The following RADIL variants were observed in gnomAD, a reference collection of about 807,000 sequenced individuals.
The protein encoded by RADIL is ras-associating and dilute domain-containing protein.
Under a neutral mutation model 97.6 loss-of-function variants are expected in RADIL, and 99 were observed. The ratio of observed to expected loss-of-function variants is 1.01; its 90% CI spans 0.86 to 1.20. The LOEUF is 1.20. Ranked by LOEUF, RADIL falls within the 50% of genes most tolerant of loss-of-function variation. The pLI is 0.00. For synonymous variants in RADIL, 803 were observed against 691.8 expected (o/e 1.16, Z -2.52); for missense variants, 1,765 against 1,498.9 (o/e 1.18, Z -2.93).
chr7:4,849,955 T>A lies in RADIL; in HGVS notation c.536-13350A>T, dbSNP rs1040383063. Among the ~76,000 whole-genome samples, 6 of 111,492 alleles carry A rather than the reference T, an allele frequency of 5.4e-5. No individual in the cohort carries two copies. The highest frequency in any genetic ancestry group is 4.9e-4 in the Admixed American group (6 of 12,328). 73.1% of individuals were successfully genotyped at this position (111,492 alleles called of 152,430 possible). A position where few individuals can be genotyped will look rare whatever the true frequency, so the allele number is the denominator to read the frequency against. ...GGTGATCTTACTACTGATAACATCT[T>A]TTCTTGGTGAAATATAGTATATGTA... On this transcript the variant is annotated intron_variant, in intron 2 of 14. Transcript: ENST00000399583. This position sits in a 1 kb window ranked among gnomAD's most constrained non-coding sequence, Gnocchi z 5.4.
chr7:4,873,897 G>A lies in RADIL; in HGVS notation c.535+3708C>T, dbSNP rs2115048503. The stretch of plus-strand genomic sequence containing the variant: ...AACCTGAGGCAGGCTGGCGCCCACG[G>A]CTGCTGGAGAAGCTGCTACAGTGAA... On this transcript the variant is annotated intron_variant, in intron 2 of 14. Transcript: ENST00000399583. The surrounding 1 kb of genome is among the most constrained non-coding windows in gnomAD (Gnocchi z 4.3). 6.6e-6 allele frequency among the ~76,000 whole-genome samples: 1 copy of A among 152,350 alleles called. No homozygotes were observed. The highest frequency in any genetic ancestry group is 6.5e-5 in the Admixed American group (1 of 15,306).
chr7:4,852,309 G>C (rs1448374352), intron 2 of RADIL, among the ~76,000 whole-genome samples: 1 of 152,160 alleles, frequency 6.6e-6, no homozygotes, highest in African/African-American at 2.4e-5. Context: ...GGCACCAAGA[G>C]GACAGAGGGC....
intron 2 of RADIL, among the ~76,000 whole-genome samples, chr7:4,857,379 G>A (rs980464098): frequency 6.6e-6 from 1 of 152,072 alleles, no homozygotes; most frequent in Non-Finnish European, 1.5e-5. Context: ...GTTTTCCCGT[G>A]GAATCTGACC....
chr7:4,855,900 A>T (rs1783817208), intron 2 of RADIL, among the ~76,000 whole-genome samples: 1 of 151,758 alleles, frequency 6.6e-6, no homozygotes, highest in Admixed American at 6.6e-5. Flanking sequence ...GGTTCAAGTG[A>T]TTCTCATGCC....
rs948969679 is a variant in RADIL at position 4,817,624 on chromosome 7, C to A, written c.1616-273G>T. Among the ~76,000 whole-genome samples the A allele has an allele frequency of 6.6e-6, 1 of 152,134 alleles. No individual in the cohort carries two copies. The highest frequency in any genetic ancestry group is 1.5e-5 in the Non-Finnish European group (1 of 68,014). On this transcript the variant is annotated intron_variant, in intron 6 of 14. Transcript: ENST00000399583. The surrounding 1 kb of genome is among the most constrained non-coding windows in gnomAD (Gnocchi z 8.3). ...AATGCCCAGCCCAGCCCAGCCCAAG[C>A]GCTCATTCACTCCCACGTTCTGGAT...
At chr7:4,852,641 G>A (rs1375315433) in intron 2 of RADIL, among the ~76,000 whole-genome samples, 1 of 152,116 alleles carries the variant, frequency 6.6e-6, no homozygotes, top group Non-Finnish European at 1.5e-5. Context: ...AGAGATGGGG[G>A]TCTTGCTATG....
At position 4,879,656 on chromosome 7, in the gene RADIL, C is replaced by A. The variant is rs535023245; in HGVS notation, c.-64-1453G>T. The stretch of plus-strand genomic sequence containing the variant: ...CTTGACTCACTCGTCACGCTGCGGG[C>A]GCTGCAAAAGGCTTCTGGAAAGGAC... On this transcript the variant is annotated intron_variant, in intron 1 of 14. Transcript: ENST00000399583. This position sits in a 1 kb window ranked among gnomAD's most constrained non-coding sequence, Gnocchi z 4.1. Among the ~76,000 whole-genome samples the A allele has an allele frequency of 6.6e-6, 1 of 152,132 alleles. No individual in the cohort carries two copies. The highest frequency in any genetic ancestry group is 2.4e-5 in the African/African-American group (1 of 41,426).
chr7:4,799,439 A>G lies in RADIL; in HGVS notation c.3167T>C (p.Leu1056Pro). 5 of 1,613,852 alleles carry G rather than the reference A, an allele frequency of 3.1e-6. No individual in the cohort carries two copies. Among genetic ancestry groups the G allele is most frequent in the Non-Finnish European group, 4.2e-6 (5 of 1,179,994 alleles). Residue 1056 changes from leucine to proline, a missense_variant, in exon 15 of 15, where the codon CTG becomes CCG. Coordinates refer to ENST00000399583, the MANE Select transcript of RADIL (RefSeq NM_018059.5). Reference sequence around the variant, plus strand: ...TGTTTCCACGTCGGACTTCGCGACCAGGAACCGCATCTTCTTCCCGCCATG... The same window carrying G: ...TGTTTCCACGTCGGACTTCGCGACCGGGAACCGCATCTTCTTCCCGCCATG... ...IRHGGKKMRF[L>P]VAKSDVETAK...
Position 4,834,853 on chromosome 7 carries a change from TC to T in RADIL, c.1169del (p.Gly390GlufsTer33), listed in dbSNP as rs1479966997. The T allele has an allele frequency of 1.5e-6, 2 of 1,316,046 alleles. No individual in the cohort carries two copies. Among genetic ancestry groups the T allele is most frequent in the Non-Finnish European group, 9.7e-7 (1 of 1,032,010 alleles). 81.5% of individuals were successfully genotyped at this position (1,316,046 alleles called of 1,614,324 possible). A position where few individuals can be genotyped will look rare whatever the true frequency, so the allele number is the denominator to read the frequency against. On this transcript the variant is annotated frameshift_variant, in exon 4 of 15. Coordinates refer to ENST00000399583, the MANE Select transcript of RADIL (RefSeq NM_018059.5). LOFTEE classifies it high-confidence loss of function. This position sits in a 1 kb window ranked among gnomAD's most constrained non-coding sequence, Gnocchi z 6.0. The part of the protein sequence containing the change: ...RLCGAALGAR[G>X]AASPTQAALP... ...GGGCGGCCTGAGTAGGGGAGGCGGC[TC>T]CCCGGGCCCCGAGCGCGGCCCCGCA...
At chr7:4,810,954 T>C (rs1782526782) in intron 9 of RADIL, among the ~76,000 whole-genome samples, 1 of 152,142 alleles carries the variant, frequency 6.6e-6, no homozygotes, top group African/African-American at 2.4e-5. Flanking sequence ...CTGGTCAACA[T>C]GGTGAGACTC....
Position 4,855,620 on chromosome 7 carries a change from TAAAA to T in RADIL, c.536-19019_536-19016del, listed in dbSNP as rs760588803. 4.0e-3 allele frequency among the ~76,000 whole-genome samples: 351 copies of T among 88,158 alleles called. 5 individuals carry two copies. The highest frequency in any genetic ancestry group is 0.012 in the African/African-American group (334 of 27,374). The allele number at this position is 88,158 out of a possible 152,430, so 57.8% of individuals were successfully genotyped here. A position where few individuals can be genotyped will look rare whatever the true frequency, so the allele number is the denominator to read the frequency against. On this transcript the variant is annotated intron_variant, in intron 2 of 14. Coordinates refer to ENST00000399583, the MANE Select transcript of RADIL (RefSeq NM_018059.5). ...ACACTGTTAGACTTTTTTATTTTTG[TAAAA>T]AAAAAAAAAAAAAAAAAAAAAAAGA...
At chr7:4,852,294 A>G (rs937925562) in intron 2 of RADIL, among the ~76,000 whole-genome samples, 2 of 152,198 alleles carry the variant, frequency 1.3e-5, no homozygotes, top group African/African-American at 4.8e-5. Context: ...AAGATCCCAG[A>G]GGGTGGCACC....
In RADIL at chr7:4,821,439, A is replaced by G. The variant is rs916051543; in HGVS notation, c.1615+955T>C. On this transcript the variant is annotated intron_variant, in intron 6 of 14. Transcript: ENST00000399583. The surrounding 1 kb of genome is among the most constrained non-coding windows in gnomAD (Gnocchi z 5.2). ...AGGCCCCACACAGTCCTTAGCAGACACATGAGCCGAAATCCTACCCCGGCT... is the reference window on the plus strand; with the variant it reads ...AGGCCCCACACAGTCCTTAGCAGACGCATGAGCCGAAATCCTACCCCGGCT... Among the ~76,000 whole-genome samples the G allele has an allele frequency of 5.3e-5, 8 of 152,198 alleles. No individual in the cohort carries two copies. The highest frequency in any genetic ancestry group is 3.3e-4 in the Admixed American group (5 of 15,286).
chr7:4,804,939 C>G (rs1392232787), intron 10 of RADIL, among the ~76,000 whole-genome samples: 1 of 151,762 alleles, frequency 6.6e-6, no homozygotes, highest in African/African-American at 2.4e-5. Context: ...ACTAAAGATT[C>G]AAAAATTAGT....
chr7:4,800,067 CCTTCCTGTAGCCACGT>C, intron 13 of RADIL, 88 bp downstream of exon 13: 1 of 1,455,118 alleles, frequency 6.9e-7, no homozygotes, highest in Non-Finnish European at 9.1e-7. Context: ...TCCCCGAAGG[CCTTCCTGTAGCCACGT>C]GGCCACGCAA....
chr7:4,848,457 C>A lies in RADIL; in HGVS notation c.536-11852G>T, dbSNP rs1343240715. 2.0e-5 allele frequency among the ~76,000 whole-genome samples: 3 copies of A among 151,518 alleles called. No homozygotes were observed. The East Asian group carries it at 5.8e-4, about 29-fold the overall frequency. On this transcript the variant is annotated intron_variant, in intron 2 of 14. Coordinates refer to ENST00000399583, the MANE Select transcript of RADIL (RefSeq NM_018059.5). Reference sequence around the variant, plus strand: ...CAAGAAGCTGAAATTGATAAGATATCGAATATATCTGAACATCTTAAAAGA... The same window carrying A: ...CAAGAAGCTGAAATTGATAAGATATAGAATATATCTGAACATCTTAAAAGA...
intron 5 of RADIL, among the ~76,000 whole-genome samples, chr7:4,831,839 G>C (rs1164558949): frequency 6.6e-6 from 1 of 152,150 alleles, no homozygotes; most frequent in Non-Finnish European, 1.5e-5. Context: ...TGTGAGCAGA[G>C]ATTGCACCAC....
rs200059500 is a variant in RADIL at position 4,877,998 on chromosome 7, C to T, written c.142G>A (p.Ala48Thr). 1.0e-4 allele frequency: 166 copies of T among 1,610,182 alleles called. No homozygotes were observed. The highest frequency in any genetic ancestry group is 1.2e-4 in the Non-Finnish European group (146 of 1,179,202). ...DLDSTFSSLG[A>T]SDDPAELSTQ... ...GAGAGCTCGGCGGGGTCATCGCTGG[C>T]GCCCAGGCTGGAGAAGGTGGAGTCC... The change falls in exon 2 of 15, where the codon GCC becomes ACC. Residue 48 changes from alanine to threonine, a missense_variant. Ala to Thr is a moderately conservative substitution (Grantham distance 58, BLOSUM62 0). Coordinates refer to ENST00000399583, the MANE Select transcript of RADIL (RefSeq NM_018059.5).
chr7:4,857,364 A>T (rs1783858548), intron 2 of RADIL, among the ~76,000 whole-genome samples: 1 of 152,110 alleles, frequency 6.6e-6, no homozygotes, highest in Admixed American at 6.6e-5. Context: ...ATACAGTTGG[A>T]CTTGGTTTTC....
Sources: gnomAD v4.1 joint callset for allele counts (sites outside exome capture counted in the v4.1 genomes callset) on GRCh38, gnomAD v4.1.1 for gene constraint, Gnocchi (gnomAD v3.1) non-coding constraint, MANE v1.5 for transcripts, NCBI Gene and HGNC (gene_info 2026-07-23, HGNC 2026-07-21) for gene names.